Variants in PABPC4 observed in about 807,000 individuals in gnomAD.
PABPC4 encodes poly(A) binding protein cytoplasmic 4, also known as polyadenylate-binding protein 4.
A neutral mutation model predicts 74.5 loss-of-function variants in PABPC4; 15 were observed. That is an observed-to-expected ratio of 0.20 (90% CI 0.13 to 0.31). PABPC4 has a LOEUF of 0.31. PABPC4 is among the 10% of genes least tolerant of loss of function. The pLI is 1.00. For synonymous variants in PABPC4, 345 were observed against 303.0 expected, an observed-to-expected ratio of 1.14 and a Z score of -1.44; for missense variants, 610 against 853.5, an observed-to-expected ratio of 0.71 and a Z score of 3.55.
In PABPC4 at chr1:39,564,751, T is replaced by C; in HGVS notation, c.1268A>G (p.Tyr423Cys). 1 of 1,613,976 alleles carries C rather than the reference T, an allele frequency of 6.2e-7. No homozygotes were observed. The change falls in exon 9 of 16, where the codon TAT becomes TGT. Residue 423 changes from tyrosine to cysteine, a missense_variant. Coordinates refer to ENST00000372858, the MANE Select transcript of PABPC4 (RefSeq NM_001135653.2). ...CATCTGTGCTAACTGGTTAGGTGTA[T>C]AATATGGAGGCCTTCCCTGAGCCTG... ...VPQAQGRPPY[Y>C]TPNQLAQMRP...
In PABPC4 at chr1:39,561,101, G is replaced by A. The variant is rs942505361; in HGVS notation, c.*35C>T. 4.2e-6 allele frequency: 2 copies of A among 470,738 alleles called. No individual in the cohort carries two copies. Among genetic ancestry groups the A allele is most frequent in the African/African-American group, 2.0e-5 (1 of 50,192 alleles). The allele number at this position is 470,738 out of a possible 1,614,324, so 29.2% of individuals were successfully genotyped here. A position where few individuals can be genotyped will look rare whatever the true frequency, so the allele number is the denominator to read the frequency against. ...TCAAACCTTGAGTTGAATTCCATAA[G>A]GGGTTATTTGGCTTTTGAATCCTGT... On this transcript the variant is annotated 3_prime_UTR_variant, in exon 16 of 16. Coordinates refer to ENST00000372858, the MANE Select transcript of PABPC4 (RefSeq NM_001135653.2).
chr1:39,565,034 C>T, intron 8 of PABPC4, 72 bp downstream of exon 8: 1 of 1,514,466 alleles, frequency 6.6e-7, no homozygotes, highest in South Asian at 1.2e-5. Context: ...ACGAAAAATC[C>T]CTCTCCCCAA....
At chr1:39,571,387 C>G in intron 2 of PABPC4, 38 bp from the exon 3 acceptor site, 1 of 1,611,712 alleles carries the variant, frequency 6.2e-7, no homozygotes, top group East Asian at 2.2e-5. Context: ...GCAGAACTGG[C>G]CAGCTCCTGA....
chr1:39,569,998 C>T lies in PABPC4; in HGVS notation c.508G>A (p.Val170Met). The T allele has an allele frequency of 6.2e-7, 1 of 1,613,604 alleles. No individual in the cohort carries two copies. Among genetic ancestry groups the T allele is most frequent in the Non-Finnish European group, 8.5e-7 (1 of 1,179,880 alleles). ...GMLLNDRKVF[V>M]GRFKSRKERE... is the part of the protein sequence containing the mutation. ...TCTTTGCGAGACTTGAATCTGCCCA[C>T]AAATCTAAAATGAAACCATGAAGAA... Residue 170 changes from valine (V) to methionine (M), a missense_variant, in exon 4 of 16, where the codon GTG becomes ATG. By Grantham distance (21) the Val-to-Met change is conservative. Coordinates refer to ENST00000372858, the MANE Select transcript of PABPC4 (RefSeq NM_001135653.2).
chr1:39,567,587 T>TG, intron 7 of PABPC4, 164 bp downstream of exon 7: 1 of 699,518 alleles, frequency 1.4e-6, no homozygotes, highest in South Asian at 1.4e-5. Flanking sequence ...GTTAACCTAA[T>TG]GAAATGTCAT....
intron 5 of PABPC4, chr1:39,569,380 T>C (rs1645901737): frequency 1.7e-6 from 1 of 582,286 alleles, no homozygotes; most frequent in African/African-American, 1.9e-5. Flanking sequence ...TTTCAACAAC[T>C]GATAGCTGAG....
chr1:39,563,264 A>T (rs1461340448), intron 12 of PABPC4: 1 of 236,940 alleles, frequency 4.2e-6, no homozygotes, highest in East Asian at 1.1e-4. Flanking sequence ...TCCTGCATTA[A>T]TGTACCAATC....
In PABPC4 at chr1:39,576,018, G is replaced by T; in HGVS notation, c.-67C>A. ...CTTATCGGGCCCGCCGCAGGACAAA[G>T]GGGCGCCTTCGGAGCCCGGGCCCGC... On this transcript the variant is annotated 5_prime_UTR_variant, in exon 1 of 16. Coordinates refer to ENST00000372858, the MANE Select transcript of PABPC4 (RefSeq NM_001135653.2). The T allele has an allele frequency of 8.7e-7, 1 of 1,153,968 alleles. No individual in the cohort carries two copies. The highest frequency in any genetic ancestry group is 3.3e-5 in the Admixed American group (1 of 30,366). 71.5% of individuals were successfully genotyped at this position (1,153,968 alleles called of 1,614,324 possible).
chr1:39,566,613 G>C (rs1004608510), intron 7 of PABPC4, among the ~76,000 whole-genome samples: 4 of 152,188 alleles, frequency 2.6e-5, no homozygotes, highest in African/African-American at 9.7e-5. Flanking sequence ...CTGAAGTGGA[G>C]GATAGGGAAG....
chr1:39,572,464 G>C lies in PABPC4; in HGVS notation c.316C>G (p.Leu106Val). 1 of 1,614,066 alleles carries C rather than the reference G, an allele frequency of 6.2e-7. No individual in the cohort carries two copies. The highest frequency in any genetic ancestry group is 8.5e-7 in the Non-Finnish European group (1 of 1,179,954). The change falls in exon 2 of 16, where the codon CTG becomes GTG. Residue 106 changes from leucine to valine, a missense_variant. Physicochemically the swap from Leu to Val is conservative, Grantham distance 32. Coordinates refer to ENST00000372858, the MANE Select transcript of PABPC4 (RefSeq NM_001135653.2). ...GCCTTGTTATCTATAGATTTGTCCA[G>C]GTTCTTGATGAAGACGTTTCCCACA... Reference protein sequence around the residue: ...SGVGNVFIKNLDKSIDNKALY... With the variant: ...SGVGNVFIKNVDKSIDNKALY...
rs1186449548 is a variant in PABPC4, at chr1:39,571,589, C to A, written c.388-240G>T. 10 of 585,450 alleles carry A rather than the reference C, an allele frequency of 1.7e-5. No homozygotes were observed. In the East Asian group the frequency reaches 2.5e-4, roughly 15 times the overall value. The allele number at this position is 585,450 out of a possible 1,614,324, so 36.3% of individuals were successfully genotyped here. A position where few individuals can be genotyped will look rare whatever the true frequency, so the allele number is the denominator to read the frequency against. ...ATGTTTTATTTTTATCAAAAACAAA[C>A]AAACAAAAAATACTTAAAATTGGGT... On this transcript the variant is annotated intron_variant, in intron 2 of 15. Transcript: ENST00000372858.
intron 1 of PABPC4, among the ~76,000 whole-genome samples, chr1:39,575,272 CCT>C (rs1365836859): frequency 6.6e-6 from 1 of 152,190 alleles, no homozygotes; most frequent in East Asian, 1.9e-4. Flanking sequence ...TCCTGCCTGC[CCT>C]GACTGATCCT....
intron 1 of PABPC4, among the ~76,000 whole-genome samples, chr1:39,574,963 G>C (rs6680838): frequency 0.8 from 121,365 of 152,194 alleles, 50,747 homozygotes; most frequent in East Asian, 0.99. Context: ...TTTTGCATTC[G>C]TTCTCCTTCT....
At chr1:39,564,304 A>G in intron 10 of PABPC4, 119 bp downstream of exon 10, 1 of 1,224,238 alleles carries the variant, frequency 8.2e-7, no homozygotes, top group Non-Finnish European at 1.1e-6. Context: ...CACACAGCTA[A>G]GATTACAGAA....
intron 3 of PABPC4, 37 bp from the exon 4 acceptor site, chr1:39,570,039 G>T (rs779778599): frequency 6.2e-7 from 1 of 1,600,620 alleles, no homozygotes; most frequent in Non-Finnish European, 8.5e-7. Flanking sequence ...ATTACCCAGA[G>T]GAATAAAACA....
intron 2 of PABPC4, 77 bp downstream of exon 2, chr1:39,572,316 T>G: frequency 9.0e-7 from 1 of 1,115,060 alleles, no homozygotes. Context: ...AATTCCAAGA[T>G]AGTTCTCTGT....
intron 6 of PABPC4, chr1:39,568,184 G>A (rs1364653286): frequency 5.3e-6 from 1 of 188,590 alleles, no homozygotes; most frequent in East Asian, 1.6e-4. Flanking sequence ...GCGAACCCGG[G>A]AGGCGGAGTT....
chr1:39,571,203 G>A (rs1645935024), intron 3 of PABPC4, 31 bp downstream of exon 3: 2 of 1,613,496 alleles, frequency 1.2e-6, no homozygotes, highest in Non-Finnish European at 1.7e-6. Context: ...TGGCTCATGC[G>A]ATGGTTGTTG....
At chr1:39,567,068 A>G (rs1003449235) in intron 7 of PABPC4, among the ~76,000 whole-genome samples, 2 of 152,162 alleles carry the variant, frequency 1.3e-5, no homozygotes, top group Non-Finnish European at 2.9e-5. Flanking sequence ...GCATCCGGCC[A>G]TAACTCAAAA....
Sources: gnomAD v4.1 joint callset for allele counts (sites outside exome capture counted in the v4.1 genomes callset) on GRCh38, gnomAD v4.1.1 for gene constraint, MANE v1.5 for transcripts, NCBI Gene and HGNC (gene_info 2026-07-23, HGNC 2026-07-21) for gene names.